RNF115: variants seen among roughly 807,000 people sequenced by gnomAD.
RNF115 encodes the protein ring finger protein 115.
A neutral mutation model predicts 39.2 loss-of-function variants in RNF115; 31 were observed. The ratio of observed to expected loss-of-function variants is 0.79; its 90% CI spans 0.59 to 1.07. The LOEUF (loss-of-function observed/expected upper bound fraction) is 1.07, where lower values mean the gene tolerates loss of function less well. Among genes scored for constraint, RNF115 ranks in the 50% least tolerant of loss-of-function variants. RNF115 has a pLI of 0.00. For synonymous variants in RNF115, 124 were observed against 131.0 expected (o/e 0.95, Z 0.37); for missense variants, 384 against 381.7 (o/e 1.01, Z -0.05).
intron 4 of RNF115, among the ~76,000 whole-genome samples, chr1:145,770,562 T>C (rs1401897374): frequency 1.3e-5 from 2 of 152,170 alleles, no homozygotes; most frequent in Admixed American, 1.3e-4. Context: ...AACATATAGC[T>C]ACATGTGGCT....
intron 3 of RNF115, among the ~76,000 whole-genome samples, chr1:145,779,663 G>T (rs1239521693): frequency 1.3e-5 from 2 of 151,916 alleles, no homozygotes; most frequent in African/African-American, 4.8e-5. Context: ...GACAATATGG[G>T]ATATTTCTTT....
At chr1:145,809,772 G>A (rs1190005053) in intron 1 of RNF115, among the ~76,000 whole-genome samples, 25 of 120,944 alleles carry the variant, frequency 2.1e-4, no homozygotes, top group African/African-American at 7.4e-4. Flanking sequence ...GGGATTACAG[G>A]CATGAGCCAC....
At position 145,782,137 on chromosome 1, in the gene RNF115, T is replaced by A. The variant is rs1648177445; in HGVS notation, c.219+2402A>T. Among the ~76,000 whole-genome samples the A allele has an allele frequency of 1.3e-5, 2 of 152,042 alleles. 1 individual carries two copies. Among genetic ancestry groups the A allele is most frequent in the East Asian group, 3.8e-4 (2 of 5,196 alleles). ...CCAGGCTGGTCTTGAACTCCCAACC[T>A]CCCGTGATCCACCTGCCTCGGCCTC... On this transcript the variant is annotated intron_variant, in intron 3 of 8. Transcript: ENST00000582693.
chr1:145,772,033 T>G, intron 3 of RNF115, 114 bp from the exon 4 acceptor site: 1 of 816,314 alleles, frequency 1.2e-6, no homozygotes, highest in Non-Finnish European at 1.9e-6. Flanking sequence ...GTATGTCTTC[T>G]TCTGCAGAGG....
At chr1:145,820,891 TAAAA>T (rs1262892153) in intron 1 of RNF115, among the ~76,000 whole-genome samples, 1 of 139,340 alleles carries the variant, frequency 7.2e-6, no homozygotes, top group Non-Finnish European at 1.5e-5. Flanking sequence ...CTGAACACTA[TAAAA>T]AATATAGTAT....
At chr1:145,790,741 A>G (rs1648627204) in intron 1 of RNF115, among the ~76,000 whole-genome samples, 1 of 151,924 alleles carries the variant, frequency 6.6e-6, no homozygotes, top group African/African-American at 2.4e-5. Context: ...CTATTTTTTT[A>G]ATTAGAATGA....
In RNF115 at chr1:145,764,679, C is replaced by T. The variant is rs941651664; in HGVS notation, c.428+7032G>A. 3.4e-4 allele frequency among the ~76,000 whole-genome samples: 51 copies of T among 152,172 alleles called. 1 individual carries two copies. The East Asian group carries it at 9.5e-3, about 28-fold the overall frequency. ...GTCTGGGAAGTGAGGAGCGTCTCTG[C>T]CCAGCAGCCACTCGGTCCGGGAGGG... On this transcript the variant is annotated intron_variant, in intron 4 of 8. Transcript: ENST00000582693.
At chr1:145,809,171 T>C (rs1553722098) in intron 1 of RNF115, among the ~76,000 whole-genome samples, 1 of 141,682 alleles carries the variant, frequency 7.1e-6, no homozygotes, top group African/African-American at 2.7e-5. Flanking sequence ...GGTCTGTGCT[T>C]TGTTTTCAAG....
chr1:145,797,176 T>A (rs1553720230), intron 1 of RNF115, among the ~76,000 whole-genome samples: 1 of 152,194 alleles, frequency 6.6e-6, no homozygotes, highest in East Asian at 1.9e-4. Flanking sequence ...AATTCCTATT[T>A]TCCTGCATGT....
chr1:145,764,639 C>A lies in RNF115; in HGVS notation c.428+7072G>T, dbSNP rs1227628983. Among the ~76,000 whole-genome samples, 3 of 152,212 alleles carry A rather than the reference C, an allele frequency of 2.0e-5. No individual in the cohort carries two copies. In the East Asian group the frequency reaches 5.8e-4, roughly 30 times the overall value. ...GTCTGGGAAGTGAGGAGCCCCTCCA[C>A]CCGGCAGCCGCCCCGTCTGGGAAGT... On this transcript the variant is annotated intron_variant, in intron 4 of 8. Coordinates refer to ENST00000582693, the MANE Select transcript of RNF115 (RefSeq NM_014455.4).
chr1:145,776,394 C>T (rs180842955), intron 3 of RNF115, among the ~76,000 whole-genome samples: 62 of 151,860 alleles, frequency 4.1e-4, no homozygotes, highest in African/African-American at 1.5e-3. Context: ...GAACTCCTGA[C>T]CTCAGGAGAT....
chr1:145,784,257 T>G (rs942743609), intron 3 of RNF115, among the ~76,000 whole-genome samples: 6 of 152,214 alleles, frequency 3.9e-5, no homozygotes, highest in Non-Finnish European at 8.8e-5. Flanking sequence ...TCACACTGTA[T>G]ATACAATAAC....
In RNF115 at chr1:145,824,020, GC is replaced by G; in HGVS notation, c.-148del. On this transcript the variant is annotated 5_prime_UTR_variant, in exon 1 of 9. Coordinates refer to ENST00000582693, the MANE Select transcript of RNF115 (RefSeq NM_014455.4). ...CGCGTCGGTCACGTGAGTTGGCCAG[GC>G]CCAGAAACGCGGCGGCGCCAACAGC... 1 of 546,440 alleles carries G rather than the reference GC, an allele frequency of 1.8e-6. No individual in the cohort carries two copies. The highest frequency in any genetic ancestry group is 3.0e-6 in the Non-Finnish European group (1 of 331,100). 33.8% of individuals were successfully genotyped at this position (546,440 alleles called of 1,614,324 possible).
In RNF115 at chr1:145,746,566, G is replaced by C; in HGVS notation, c.*300C>G. ...TACAAGGCAACATGACAGACAGCAGGACCCTAACTAGACTTTAAGGAATTA... is the reference window on the plus strand; with the variant it reads ...TACAAGGCAACATGACAGACAGCAGCACCCTAACTAGACTTTAAGGAATTA... On this transcript the variant is annotated 3_prime_UTR_variant, in exon 9 of 9. Coordinates refer to ENST00000582693, the MANE Select transcript of RNF115 (RefSeq NM_014455.4). 1 of 252,598 alleles carries C rather than the reference G, an allele frequency of 4.0e-6. No individual in the cohort carries two copies. The highest frequency in any genetic ancestry group is 7.6e-6 in the Non-Finnish European group (1 of 131,442). 15.6% of individuals were successfully genotyped at this position (252,598 alleles called of 1,614,324 possible).
At chr1:145,757,403 A>C (rs1658343034) in intron 4 of RNF115, among the ~76,000 whole-genome samples, 1 of 152,202 alleles carries the variant, frequency 6.6e-6, no homozygotes, top group Non-Finnish European at 1.5e-5. Flanking sequence ...GCTTTTGCCT[A>C]ATGGCATGAA....
In RNF115 at chr1:145,741,170, G is replaced by A. The variant is rs1302335467; in HGVS notation, c.*5696C>T. ...TAATAATTTTTGGATCTTGAAAATT[G>A]TATTTCTTATTAGAAAAAGTAAAGA... On this transcript the variant is annotated 3_prime_UTR_variant, in exon 9 of 9. Transcript: ENST00000582693. 5.3e-5 allele frequency: 8 copies of A among 152,226 alleles called. No individual in the cohort carries two copies. The highest frequency in any genetic ancestry group is 1.7e-4 in the African/African-American group (7 of 41,552). The allele number at this position is 152,226 out of a possible 1,614,324, so 9.4% of individuals were successfully genotyped here. A position where few individuals can be genotyped will look rare whatever the true frequency, so the allele number is the denominator to read the frequency against.
chr1:145,810,799 T>G (rs1649659845), intron 1 of RNF115, among the ~76,000 whole-genome samples: 1 of 143,376 alleles, frequency 7.0e-6, no homozygotes, highest in African/African-American at 2.7e-5. Context: ...TCTGTATAAT[T>G]ACCAAAGCCT....
intron 3 of RNF115, among the ~76,000 whole-genome samples, chr1:145,774,542 G>A (rs1289978750): frequency 6.6e-6 from 1 of 151,916 alleles, no homozygotes; most frequent in Non-Finnish European, 1.5e-5. Context: ...GTAGAGATGG[G>A]GTTTCACCAT....
At chr1:145,822,158 C>T (rs1650282766) in intron 1 of RNF115, among the ~76,000 whole-genome samples, 1 of 151,836 alleles carries the variant, frequency 6.6e-6, no homozygotes, top group East Asian at 1.9e-4. Context: ...GAAACTGCAT[C>T]TCTACTAAAA....
Sources: allele counts gnomAD v4.1 joint callset (sites outside exome capture counted in the v4.1 genomes callset), GRCh38; gene constraint gnomAD v4.1.1; transcripts MANE v1.5; gene names NCBI Gene and HGNC (gene_info 2026-07-23, HGNC 2026-07-21).